GPHN: variants seen among roughly 807,000 people sequenced by gnomAD.
GPHN encodes gephyrin.
GPHN carries 17 observed loss-of-function variants against 95.5 expected under a neutral mutation model. The ratio of observed to expected loss-of-function variants is 0.18; its 90% CI spans 0.12 to 0.27. GPHN has a LOEUF of 0.27. Among genes scored for constraint, GPHN ranks in the 10% least tolerant of loss-of-function variants. GPHN has a pLI of 1.00. For missense variants in GPHN, 660 were observed against 978.1 expected, an observed-to-expected ratio of 0.67 and a Z score of 4.34; for synonymous variants, 320 against 322.5, an observed-to-expected ratio of 0.99 and a Z score of 0.08.
chr14:66,644,237 T>G (rs2064605717), intron 1 of GPHN, among the ~76,000 whole-genome samples: 2 of 152,060 alleles, frequency 1.3e-5, no homozygotes, highest in African/African-American at 2.4e-5. Flanking sequence ...TATATTAAGA[T>G]TGTAAATGAT....
At chr14:67,290,017 C>T in the GPHN span, among the ~76,000 whole-genome samples, 1 of 152,068 alleles carries the variant, frequency 6.6e-6, no homozygotes, top group African/African-American at 2.4e-5. Context: ...CATGATCCAC[C>T]CGCCTTGGTC....
downstream of GPHN, among the ~76,000 whole-genome samples, chr14:67,183,535 T>C (rs1322774597): frequency 6.6e-6 from 1 of 152,134 alleles, no homozygotes; most frequent in Non-Finnish European, 1.5e-5. Context: ...AATCTGACTC[T>C]ACAGTCTATA....
chr14:67,468,707 A>G, the GPHN span, among the ~76,000 whole-genome samples: 26 of 152,260 alleles, frequency 1.7e-4, no homozygotes, highest in African/African-American at 6.3e-4. Context: ...CAGCCTGGCC[A>G]ACATGGCAAA....
the GPHN span, chr14:67,585,753 G>C: frequency 5.2e-5 from 55 of 1,049,752 alleles, no homozygotes; most frequent in Non-Finnish European, 7.1e-5. Flanking sequence ...AGTGACCATG[G>C]CTGCCCTACC....
the GPHN span, chr14:67,320,995 A>T: frequency 7.2e-7 from 1 of 1,388,636 alleles, no homozygotes; most frequent in East Asian, 2.3e-5. Context: ...TGACTAGCAG[A>T]ATTATCCCCT....
chr14:67,619,926 G>A, the GPHN span: 18 of 1,305,356 alleles, frequency 1.4e-5, no homozygotes, highest in Non-Finnish European at 1.9e-5. Context: ...GCTCACTCCC[G>A]GCTTCCAACC....
chr14:67,387,579 A>C, the GPHN span: 1 of 1,032,584 alleles, frequency 9.7e-7, no homozygotes, highest in Non-Finnish European at 1.4e-6. Flanking sequence ...TATTAAATAA[A>C]AGGTTTACAG....
chr14:66,660,100 G>GAA (rs1051433758), intron 1 of GPHN, among the ~76,000 whole-genome samples: 285 of 151,966 alleles, frequency 1.9e-3, no homozygotes, highest in African/African-American at 6.7e-3. Flanking sequence ...TTACTCTAGT[G>GAA]TATGTGTGTG....
chr14:66,810,635 G>T (rs1172584260), intron 3 of GPHN, among the ~76,000 whole-genome samples: 2 of 152,074 alleles, frequency 1.3e-5, no homozygotes, highest in Non-Finnish European at 2.9e-5. Context: ...ACAGAAGTCA[G>T]TAGTAATATG....
the GPHN span, among the ~76,000 whole-genome samples, chr14:67,306,430 T>C: frequency 6.6e-6 from 1 of 152,098 alleles, no homozygotes; most frequent in Non-Finnish European, 1.5e-5. Flanking sequence ...CTGTAACCTC[T>C]GCCTCCTGTG....
intron 4 of GPHN, among the ~76,000 whole-genome samples, chr14:66,837,900 A>T (rs2061919539): frequency 6.6e-6 from 1 of 152,078 alleles, no homozygotes; most frequent in Non-Finnish European, 1.5e-5. Context: ...GATACGAGAG[A>T]TCATATGTTA....
At chr14:67,167,079 G>GT (rs1336944277) in intron 20 of GPHN, among the ~76,000 whole-genome samples, 7 of 152,090 alleles carry the variant, frequency 4.6e-5, no homozygotes, top group Admixed American at 1.3e-4. Context: ...ATATTTACTT[G>GT]TTTTTTTGGA....
chr14:67,023,550 C>A, intron 9 of GPHN, 83 bp from the exon 10 acceptor site: 2 of 1,007,494 alleles, frequency 2.0e-6, no homozygotes, highest in South Asian at 1.3e-5. Context: ...GCTCCTAGAC[C>A]TCAGGAGCTT....
chr14:67,387,235 A>G, the GPHN span: 1 of 1,262,778 alleles, frequency 7.9e-7, no homozygotes, highest in Non-Finnish European at 1.1e-6. Context: ...CAAAACTTAC[A>G]AAGAAGTCAA....
chr14:66,844,755 C>T (rs1022478195), intron 4 of GPHN, among the ~76,000 whole-genome samples: 1 of 151,998 alleles, frequency 6.6e-6, no homozygotes, highest in African/African-American at 2.4e-5. Context: ...ACCATTTTAA[C>T]CAATTTTAAG....
the GPHN span, among the ~76,000 whole-genome samples, chr14:67,317,687 A>C: frequency 6.6e-6 from 1 of 152,180 alleles, no homozygotes; most frequent in South Asian, 2.1e-4. Flanking sequence ...TGTAGTATTA[A>C]ATTGACAGTT....
At chr14:66,859,474 A>G (rs1284358804) in intron 4 of GPHN, among the ~76,000 whole-genome samples, 2 of 152,216 alleles carry the variant, frequency 1.3e-5, no homozygotes, top group Admixed American at 1.3e-4. Context: ...AAGTCCCTTC[A>G]AATACCTGGA....
At chr14:66,598,500 T>C (rs1335985470) in intron 1 of GPHN, among the ~76,000 whole-genome samples, 1 of 152,104 alleles carries the variant, frequency 6.6e-6, no homozygotes, top group Admixed American at 6.5e-5. Flanking sequence ...AGCCAAAAGA[T>C]GCACTTGCTT....
intron 5 of GPHN, among the ~76,000 whole-genome samples, chr14:66,905,221 C>T (rs369400142): frequency 5.3e-5 from 8 of 152,110 alleles, no homozygotes; most frequent in Non-Finnish European, 7.4e-5. Flanking sequence ...GAGCTTCTAA[C>T]GAACTTTTCA....
Sources: allele counts gnomAD v4.1 joint callset (sites outside exome capture counted in the v4.1 genomes callset), GRCh38; gene constraint gnomAD v4.1.1; transcripts MANE v1.5; gene names NCBI Gene and HGNC (gene_info 2026-07-23, HGNC 2026-07-21).